The following KIAA1328 variants were observed in gnomAD, a reference collection of about 807,000 sequenced individuals.
KIAA1328 encodes the protein protein hinderin.
Under a neutral mutation model 68.1 loss-of-function variants are expected in KIAA1328, and 52 were observed. That is an observed-to-expected ratio of 0.76 (90% CI 0.61 to 0.96). KIAA1328 has a LOEUF of 0.96. KIAA1328 is among the 40% of genes least tolerant of loss of function. The pLI is 0.00. For synonymous variants in KIAA1328, 232 were observed against 239.4 expected, an observed-to-expected ratio of 0.97 and a Z score of 0.28; for missense variants, 641 against 677.6, an observed-to-expected ratio of 0.95 and a Z score of 0.60.
intron 7 of KIAA1328, among the ~76,000 whole-genome samples, chr18:37,110,252 A>G (rs2057892748): frequency 6.6e-6 from 1 of 152,176 alleles, no homozygotes; most frequent in Non-Finnish European, 1.5e-5. Context: ...AAATCTGTAA[A>G]TGTATTGCAG....
At chr18:37,138,465 T>C (rs2154207649) in intron 7 of KIAA1328, among the ~76,000 whole-genome samples, 1 of 152,342 alleles carries the variant, frequency 6.6e-6, no homozygotes, top group Admixed American at 6.5e-5. Flanking sequence ...CCAGAGACCA[T>C]TATTCTACCC....
intron 6 of KIAA1328, among the ~76,000 whole-genome samples, chr18:37,040,289 T>A (rs1568325870): frequency 1.3e-5 from 2 of 152,220 alleles, no homozygotes; most frequent in Admixed American, 1.3e-4. Flanking sequence ...TCAGATTTTC[T>A]ATATTTTTTG....
chr18:36,968,590 G>A (rs2052040453), intron 6 of KIAA1328, among the ~76,000 whole-genome samples: 1 of 152,134 alleles, frequency 6.6e-6, no homozygotes, highest in East Asian at 1.9e-4. Flanking sequence ...AACCTAATTA[G>A]CCAAAATGTG....
intron 5 of KIAA1328, among the ~76,000 whole-genome samples, chr18:36,891,453 A>G (rs919077994): frequency 3.9e-5 from 6 of 151,932 alleles, no homozygotes; most frequent in African/African-American, 1.5e-4. Flanking sequence ...TCCCTCACCC[A>G]CTTTCACTCT....
intron 9 of KIAA1328, among the ~76,000 whole-genome samples, chr18:37,175,886 G>A (rs117819409): frequency 0.011 from 1,637 of 152,238 alleles, 14 homozygotes; most frequent in Middle Eastern, 0.02. Flanking sequence ...AAGGATGGGG[G>A]TGAGACAGAT....
chr18:37,160,169 T>C lies in KIAA1328; in HGVS notation c.1233-31T>C. 1.9e-6 allele frequency: 3 copies of C among 1,587,090 alleles called. No individual in the cohort carries two copies. The South Asian group carries it at 3.4e-5, about 18-fold the overall frequency. ...TGTGCTCTGTGTTCCCTTCTGTGCC[T>C]TCAACAGTTCATTCATCGTTGTTCT... On this transcript the variant is annotated intron_variant, in intron 7 of 9. Coordinates refer to ENST00000280020, the MANE Select transcript of KIAA1328 (RefSeq NM_020776.3).
At chr18:36,969,821 GA>G (rs1204099392) in intron 6 of KIAA1328, among the ~76,000 whole-genome samples, 1 of 151,872 alleles carries the variant, frequency 6.6e-6, no homozygotes, top group Non-Finnish European at 1.5e-5. Context: ...ACCTGGCAGA[GA>G]CATAACAAAA....
intron 3 of KIAA1328, among the ~76,000 whole-genome samples, chr18:36,836,950 GT>G (rs2046696103): frequency 6.6e-6 from 1 of 152,048 alleles, no homozygotes; most frequent in Non-Finnish European, 1.5e-5. Context: ...CATCTATTCT[GT>G]ATCATTACTT....
chr18:37,124,797 G>A (rs1015935744), intron 7 of KIAA1328, among the ~76,000 whole-genome samples: 8 of 152,038 alleles, frequency 5.3e-5, no homozygotes. Context: ...GTCCCCTCGT[G>A]CTTGTAGTTT....
downstream of KIAA1328, among the ~76,000 whole-genome samples, chr18:37,225,865 C>T (rs915427508): frequency 3.9e-5 from 6 of 152,110 alleles, no homozygotes; most frequent in Non-Finnish European, 5.9e-5. Flanking sequence ...CGCACCTGCC[C>T]CTCAGAGGCA....
intron 6 of KIAA1328, among the ~76,000 whole-genome samples, chr18:36,981,516 T>C (rs1195578214): frequency 6.6e-6 from 1 of 152,196 alleles, no homozygotes; most frequent in East Asian, 1.9e-4. Flanking sequence ...ATTAAGCCAT[T>C]ATTATACCTA....
chr18:37,159,891 T>C (rs1422993033), intron 7 of KIAA1328, among the ~76,000 whole-genome samples: 1 of 152,182 alleles, frequency 6.6e-6, no homozygotes, highest in Non-Finnish European at 1.5e-5. Flanking sequence ...TTAGCATACT[T>C]TTTATTTCTA....
chr18:37,078,719 A>G (rs1488424080), intron 7 of KIAA1328, among the ~76,000 whole-genome samples: 2 of 151,098 alleles, frequency 1.3e-5, no homozygotes, highest in Non-Finnish European at 2.9e-5. Flanking sequence ...GCCAAAAAAC[A>G]CATGAAAAAA....
chr18:36,908,521 T>C (rs757087393), intron 5 of KIAA1328, among the ~76,000 whole-genome samples: 110 of 152,184 alleles, frequency 7.2e-4, no homozygotes, highest in Admixed American at 2.0e-3. Flanking sequence ...AATTTTTGTG[T>C]GTGTGGAAAG....
chr18:37,219,551 TG>T (rs2060516159), intron 9 of KIAA1328, among the ~76,000 whole-genome samples: 1 of 152,134 alleles, frequency 6.6e-6, no homozygotes, highest in Non-Finnish European at 1.5e-5. Flanking sequence ...CCCCTACCCC[TG>T]CCAGGCTGCT....
In KIAA1328 at chr18:37,047,775, C is replaced by T. The variant is rs542777459; in HGVS notation, c.577-19115C>T. ...CTTTATCACGTAAAATGGTTTTCCC[C>T]TTTTGCCAAAATTTGAGGGCTGTGA... is the stretch of plus-strand genomic sequence containing the variant. On this transcript the variant is annotated intron_variant, in intron 6 of 9. Transcript: ENST00000280020. 1.1e-4 allele frequency among the ~76,000 whole-genome samples: 17 copies of T among 152,212 alleles called. No homozygotes were observed. The South Asian group carries it at 3.5e-3, about 32-fold the overall frequency.
intron 7 of KIAA1328, among the ~76,000 whole-genome samples, chr18:37,085,320 GA>G (rs2057070562): frequency 6.6e-6 from 1 of 152,144 alleles, no homozygotes; most frequent in Non-Finnish European, 1.5e-5. Flanking sequence ...TGCCCAAACA[GA>G]GGGTATCTCT....
At chr18:36,955,304 T>A (rs924064572) in intron 5 of KIAA1328, among the ~76,000 whole-genome samples, 2 of 140,340 alleles carry the variant, frequency 1.4e-5, no homozygotes, top group African/African-American at 5.0e-5. Context: ...ATTTTCCTGG[T>A]TTTTCTTTTC....
At chr18:37,156,405 G>A (rs1231058700) in intron 7 of KIAA1328, among the ~76,000 whole-genome samples, 3 of 113,834 alleles carry the variant, frequency 2.6e-5, no homozygotes, top group African/African-American at 1.0e-4. Context: ...CAGCCTAGGT[G>A]ACAAGAGAGA....
Sources: allele counts gnomAD v4.1 joint callset (sites outside exome capture counted in the v4.1 genomes callset), GRCh38; gene constraint gnomAD v4.1.1; transcripts MANE v1.5; gene names NCBI Gene and HGNC (gene_info 2026-07-23, HGNC 2026-07-21).